Variants in CFAP54 observed in about 807,000 individuals in gnomAD.
CFAP54 encodes cilia and flagella associated protein 54, also known as cilia- and flagella-associated protein 54.
A neutral mutation model predicts 370.4 loss-of-function variants in CFAP54; 290 were observed. That is an observed-to-expected ratio of 0.78 (90% CI 0.71 to 0.86). The LOEUF is 0.86. Among genes scored for constraint, CFAP54 ranks in the 40% least tolerant of loss-of-function variants. CFAP54 has a pLI of 0.00. For missense variants in CFAP54, 3,399 were observed against 3,528.7 expected (o/e 0.96, Z 0.93); for synonymous variants, 1,206 against 1,236.5 (o/e 0.98, Z 0.52).
At chr12:96,517,826 A>G (rs1955254768) in intron 5 of CFAP54, among the ~76,000 whole-genome samples, 1 of 152,234 alleles carries the variant, frequency 6.6e-6, no homozygotes. Context: ...AGGGCAGTGC[A>G]GTTCCGTGAG....
At chr12:96,731,472 G>C (rs1340106703) in intron 50 of CFAP54, among the ~76,000 whole-genome samples, 1 of 152,170 alleles carries the variant, frequency 6.6e-6, no homozygotes, top group Non-Finnish European at 1.5e-5. Context: ...ATTCAGACTT[G>C]AGTATTTGGC....
At chr12:96,755,694 G>A (rs1278591145) in intron 56 of CFAP54, among the ~76,000 whole-genome samples, 2 of 130,176 alleles carry the variant, frequency 1.5e-5, no homozygotes, top group South Asian at 2.4e-4. Context: ...TTGAGACTAA[G>A]TCTCACTCTG....
At chr12:96,512,822 A>T (rs550284069) in intron 4 of CFAP54, among the ~76,000 whole-genome samples, 164 bp from the exon 5 acceptor site, 1 of 152,340 alleles carries the variant, frequency 6.6e-6, no homozygotes, top group South Asian at 2.1e-4. Flanking sequence ...TTTTGTTTAC[A>T]AGTTACAAGA....
chr12:96,562,185 G>A (rs371617881), intron 17 of CFAP54, among the ~76,000 whole-genome samples: 70 of 152,062 alleles, frequency 4.6e-4, no homozygotes, highest in Middle Eastern at 6.8e-3. Flanking sequence ...ATTCTGGTTC[G>A]TAACAACATC....
chr12:96,848,235 C>T (rs957670703), intron 66 of CFAP54, among the ~76,000 whole-genome samples: 5 of 152,014 alleles, frequency 3.3e-5, no homozygotes, highest in Admixed American at 2.6e-4. Flanking sequence ...CACCACCACA[C>T]CTGACTAATT....
chr12:96,640,064 G>C (rs1956707069), intron 32 of CFAP54, among the ~76,000 whole-genome samples: 1 of 152,130 alleles, frequency 6.6e-6, no homozygotes, highest in African/African-American at 2.4e-5. Context: ...ACATAGTGTT[G>C]GAAGTTCTGG....
At chr12:96,763,271 C>A (rs1243018476) in intron 58 of CFAP54, among the ~76,000 whole-genome samples, 3 of 151,768 alleles carry the variant, frequency 2.0e-5, no homozygotes, top group African/African-American at 4.8e-5. Context: ...ATTAAAGAAA[C>A]CCCCATGGTA....
At chr12:96,813,005 A>G (rs1433963874) in intron 64 of CFAP54, among the ~76,000 whole-genome samples, 2 of 151,978 alleles carry the variant, frequency 1.3e-5, no homozygotes, top group Non-Finnish European at 2.9e-5. Flanking sequence ...TGAAATGGTC[A>G]AAAACTTAGG....
rs1162475747 is a variant in CFAP54 at position 96,507,085 on chromosome 12, G to A, written c.725G>A (p.Trp242Ter). Residue 242 changes from tryptophan (W) to a stop codon, truncating the protein, a stop_gained, in exon 4 of 68, where the codon TGG (tryptophan) becomes TAG (stop). Coordinates refer to ENST00000524981, the MANE Select transcript of CFAP54 (RefSeq NM_001306084.2). LOFTEE classifies it high-confidence loss of function. ...QVALPQEHLC[W>*]IIFNGTIYIY... ...GCTCTGCCACAAGAGCATCTTTGCT[G>A]GATTATCTTCAATGGTATATGCTGA... 2 of 1,530,420 alleles carry A rather than the reference G, an allele frequency of 1.3e-6. No homozygotes were observed. Among genetic ancestry groups the A allele is most frequent in the Admixed American group, 4.0e-5 (2 of 49,388 alleles). 94.8% of individuals were successfully genotyped at this position (1,530,420 alleles called of 1,614,324 possible).
chr12:96,526,512 A>G (rs894392861), intron 8 of CFAP54, among the ~76,000 whole-genome samples: 3 of 152,212 alleles, frequency 2.0e-5, no homozygotes, highest in Admixed American at 6.5e-5. Context: ...TGTCCTAAAC[A>G]CTTATTAAAA....
At chr12:96,588,715 C>T (rs1179755003) in intron 22 of CFAP54, among the ~76,000 whole-genome samples, 6 of 151,946 alleles carry the variant, frequency 3.9e-5, no homozygotes, top group African/African-American at 9.7e-5. Context: ...GTGTAGAACT[C>T]ATTTGGTGAG....
intron 63 of CFAP54, among the ~76,000 whole-genome samples, chr12:96,804,422 A>C (rs1489485388): frequency 6.6e-6 from 1 of 152,188 alleles, no homozygotes; most frequent in Non-Finnish European, 1.5e-5. Flanking sequence ...TGATAGATGA[A>C]TTTTGTAAAG....
chr12:96,569,070 A>C (rs548499695), intron 19 of CFAP54, among the ~76,000 whole-genome samples: 1 of 103,584 alleles, frequency 9.7e-6, no homozygotes, highest in South Asian at 3.1e-4. Context: ...CTTCTGGTCA[A>C]ATATAGTATC....
rs377692601 is a variant in CFAP54 at position 96,686,778 on chromosome 12, C to CA, written c.6014+1543dup. ...ATGAGATTTGGTGGGGACGTATATT[C>CA]AAACTATATCACTAAGAGTTAGGAC... On this transcript the variant is annotated intron_variant, in intron 42 of 67. Coordinates refer to ENST00000524981, the MANE Select transcript of CFAP54 (RefSeq NM_001306084.2). 5.2e-3 allele frequency among the ~76,000 whole-genome samples: 793 copies of CA among 152,210 alleles called. 10 individuals carry two copies. The highest frequency in any genetic ancestry group is 0.016 in the African/African-American group (650 of 41,516).
chr12:96,524,048 G>T lies in CFAP54; in HGVS notation c.1158+1859G>T, dbSNP rs189205705. 1.2e-3 allele frequency among the ~76,000 whole-genome samples: 184 copies of T among 151,812 alleles called. 1 individual carries two copies. Among genetic ancestry groups the T allele is most frequent in the African/African-American group, 4.2e-3 (176 of 41,422 alleles). The stretch of plus-strand genomic sequence containing the variant: ...TTTTGCAGAATGTCCTGTTTTCTGT[G>T]TATGAAATAATTTTATTATGTTTCT... On this transcript the variant is annotated intron_variant, in intron 8 of 67. Coordinates refer to ENST00000524981, the MANE Select transcript of CFAP54 (RefSeq NM_001306084.2).
In CFAP54 at chr12:96,625,675, G is replaced by A. The variant is rs772683316; in HGVS notation, c.3887-43G>A. 1.5e-5 allele frequency: 19 copies of A among 1,275,198 alleles called. No individual in the cohort carries two copies. In the Middle Eastern group the frequency reaches 5.7e-4, roughly 38 times the overall value. 79.0% of individuals were successfully genotyped at this position (1,275,198 alleles called of 1,614,324 possible). On this transcript the variant is annotated intron_variant, in intron 28 of 67. Transcript: ENST00000524981. ...ATTACTCAAAAAATTTGTATTTTGC[G>A]TTACTAAACAGAACATACAACTTTT...
intron 8 of CFAP54, among the ~76,000 whole-genome samples, chr12:96,522,454 T>A (rs1236024752): frequency 6.6e-6 from 1 of 152,252 alleles, no homozygotes; most frequent in Non-Finnish European, 1.5e-5. Context: ...AAGATTTCAA[T>A]GAACTGGCTC....
intron 63 of CFAP54, among the ~76,000 whole-genome samples, chr12:96,796,915 T>A (rs1478721667): frequency 6.6e-6 from 1 of 152,180 alleles, no homozygotes; most frequent in African/African-American, 2.4e-5. Context: ...TTGCAATAAA[T>A]GTTTAGCTCA....
chr12:96,648,548 C>T (rs1356184459), intron 34 of CFAP54, among the ~76,000 whole-genome samples: 8 of 148,744 alleles, frequency 5.4e-5, no homozygotes, highest in African/African-American at 7.4e-5. Context: ...CAGGGGGCTC[C>T]AAAAGGTAGA....
Sources: gnomAD v4.1 joint callset for allele counts (sites outside exome capture counted in the v4.1 genomes callset) on GRCh38, gnomAD v4.1.1 for gene constraint, MANE v1.5 for transcripts, NCBI Gene and HGNC (gene_info 2026-07-23, HGNC 2026-07-21) for gene names.